MAP2: variants seen among roughly 807,000 people sequenced by gnomAD.
MAP2 encodes microtubule associated protein 2.
A neutral mutation model predicts 137.6 loss-of-function variants in MAP2; 14 were observed. The observed-to-expected ratio is 0.10, with a 90% CI of 0.07 to 0.16. The LOEUF (loss-of-function observed/expected upper bound fraction) is 0.16, where lower values mean the gene tolerates loss of function less well. Ranked by LOEUF, MAP2 falls within the 10% of genes least tolerant of loss-of-function variation. The probability of loss-of-function intolerance (pLI) is 1.00; values close to 1 mark genes in which losing one functional copy is unlikely to be tolerated. For missense variants in MAP2, 2,088 were observed against 2,191.5 expected, an observed-to-expected ratio of 0.95 and a Z score of 0.94; for synonymous variants, 786 against 782.3, an observed-to-expected ratio of 1.00 and a Z score of -0.08.
At chr2:209,451,845 C>T (rs897507710) in intron 1 of MAP2, among the ~76,000 whole-genome samples, 1 of 152,100 alleles carries the variant, frequency 6.6e-6, no homozygotes, top group South Asian at 2.1e-4. Flanking sequence ...CTTTAGGTGC[C>T]AGCTTTTCTC....
intron 4 of MAP2, among the ~76,000 whole-genome samples, chr2:209,648,584 C>T (rs886225562): frequency 5.8e-5 from 8 of 138,574 alleles, no homozygotes; most frequent in African/African-American, 1.1e-4. Context: ...AGAAATAAGG[C>T]GGCCAAGACG....
At chr2:209,729,468 C>T (rs922326844) in intron 14 of MAP2, among the ~76,000 whole-genome samples, 63 of 152,008 alleles carry the variant, frequency 4.1e-4, no homozygotes, top group African/African-American at 1.4e-3. Context: ...TTAATTTGGT[C>T]CCTTAGAAAT....
chr2:209,466,250 C>A (rs1198461614), intron 1 of MAP2, among the ~76,000 whole-genome samples: 1 of 152,120 alleles, frequency 6.6e-6, no homozygotes, highest in Non-Finnish European at 1.5e-5. Flanking sequence ...CTAGTATTAG[C>A]TTTTGATTAA....
At chr2:209,566,021 T>C (rs894838285) in intron 2 of MAP2, among the ~76,000 whole-genome samples, 3 of 152,298 alleles carry the variant, frequency 2.0e-5, no homozygotes, top group Admixed American at 6.5e-5. Context: ...AAATACTTTT[T>C]TGTCTGTTTT....
At chr2:209,591,343 A>G (rs183909664) in intron 3 of MAP2, among the ~76,000 whole-genome samples, 216 of 152,330 alleles carry the variant, frequency 1.4e-3, no homozygotes, top group Non-Finnish European at 2.3e-3. Flanking sequence ...TAAACCTCCT[A>G]CAGTGAACAG....
At chr2:209,491,962 T>A (rs2059163917) in intron 1 of MAP2, among the ~76,000 whole-genome samples, 1 of 152,204 alleles carries the variant, frequency 6.6e-6, no homozygotes, top group Non-Finnish European at 1.5e-5. Context: ...AGCATCATCC[T>A]GATAACAAAA....
At chr2:209,641,886 A>G (rs1177597927) in intron 4 of MAP2, among the ~76,000 whole-genome samples, 7 of 152,098 alleles carry the variant, frequency 4.6e-5, no homozygotes, top group South Asian at 2.1e-4. Context: ...GCCCAGTTTC[A>G]TATGGTAGGT....
At chr2:209,435,217 A>G (rs1228290104) in intron 1 of MAP2, among the ~76,000 whole-genome samples, 1 of 151,476 alleles carries the variant, frequency 6.6e-6, no homozygotes, top group Non-Finnish European at 1.5e-5. Flanking sequence ...GTCACTAGAG[A>G]TATAAGACAT....
chr2:209,516,995 A>G (rs1429020386), intron 2 of MAP2, among the ~76,000 whole-genome samples: 1 of 152,146 alleles, frequency 6.6e-6, no homozygotes, highest in African/African-American at 2.4e-5. Flanking sequence ...GTTGTACAAC[A>G]CAAAAATTAC....
chr2:209,527,576 A>T (rs1428474382), intron 2 of MAP2, among the ~76,000 whole-genome samples: 1 of 152,092 alleles, frequency 6.6e-6, no homozygotes, highest in African/African-American at 2.4e-5. Flanking sequence ...TACATACTTG[A>T]TTAAGGAACC....
chr2:209,693,489 C>G lies in MAP2; in HGVS notation c.1319C>G (p.Thr440Ser), dbSNP rs1343261340. 1.2e-6 allele frequency: 2 copies of G among 1,613,394 alleles called. No individual in the cohort carries two copies. The highest frequency in any genetic ancestry group is 1.7e-5 in the Admixed American group (1 of 59,888). The change falls in exon 8 of 16, where the codon ACT (threonine) becomes AGT (serine). Residue 440 changes from threonine (T) to serine (S), a missense_variant. By Grantham distance (58) the Thr-to-Ser change is moderately conservative. Transcript: ENST00000682079. ...GAACCTATACTTACTGAAAAGGAAACTGAGCTGAAGCTTGAAGAAAAAACC... is the reference window on the plus strand; with the variant it reads ...GAACCTATACTTACTGAAAAGGAAAGTGAGCTGAAGCTTGAAGAAAAAACC... Reference protein sequence around the residue: ...GQEPILTEKETELKLEEKTTI... With the variant: ...GQEPILTEKESELKLEEKTTI...
chr2:209,444,644 A>G (rs558874811), intron 1 of MAP2, among the ~76,000 whole-genome samples: 284 of 151,664 alleles, frequency 1.9e-3, no homozygotes, highest in Admixed American at 4.5e-3. Flanking sequence ...TTCAAACCTC[A>G]TTACAGTAAT....
chr2:209,605,368 A>G (rs2084333453), intron 3 of MAP2, among the ~76,000 whole-genome samples: 1 of 152,188 alleles, frequency 6.6e-6, no homozygotes, highest in South Asian at 2.1e-4. Context: ...ATCTTCCTCA[A>G]ACACAGATCA....
chr2:209,429,174 C>T (rs1172098130), intron 1 of MAP2, among the ~76,000 whole-genome samples: 2 of 151,876 alleles, frequency 1.3e-5, no homozygotes, highest in Admixed American at 6.6e-5. Context: ...AGGATGATCT[C>T]GATCTCCTGA....
At chr2:209,611,385 C>T (rs1022596056) in intron 3 of MAP2, among the ~76,000 whole-genome samples, 1 of 152,020 alleles carries the variant, frequency 6.6e-6, no homozygotes, top group Non-Finnish European at 1.5e-5. Flanking sequence ...TAAATAACAA[C>T]ATTCTTTCTC....
intron 4 of MAP2, among the ~76,000 whole-genome samples, chr2:209,639,482 T>A (rs1418250746): frequency 6.6e-6 from 1 of 152,148 alleles, no homozygotes. Flanking sequence ...CCCAGTTCCT[T>A]TCAAACAACT....
chr2:209,525,914 T>G (rs759181571), intron 2 of MAP2, among the ~76,000 whole-genome samples: 2 of 152,184 alleles, frequency 1.3e-5, no homozygotes, highest in Non-Finnish European at 2.9e-5. Flanking sequence ...CATATTTCTT[T>G]TCTTGTGGTT....
intron 1 of MAP2, among the ~76,000 whole-genome samples, chr2:209,442,017 T>C (rs1697909561): frequency 6.6e-6 from 1 of 151,586 alleles, no homozygotes; most frequent in Non-Finnish European, 1.5e-5. Context: ...CAGGATTGTC[T>C]ATATTAATTA....
At chr2:209,722,185 C>A (rs1057207454) in intron 13 of MAP2, among the ~76,000 whole-genome samples, 2 of 152,154 alleles carry the variant, frequency 1.3e-5, no homozygotes, top group African/African-American at 4.8e-5. Context: ...TAAATTGCAA[C>A]TTTTATTATG....
Sources: allele counts gnomAD v4.1 joint callset (sites outside exome capture counted in the v4.1 genomes callset), GRCh38; gene constraint gnomAD v4.1.1; transcripts MANE v1.5; gene names NCBI Gene and HGNC (gene_info 2026-07-23, HGNC 2026-07-21).